The following PRELID2 variants were observed in gnomAD, a reference collection of about 807,000 sequenced individuals.
PRELID2 encodes PRELI domain-containing protein 2.
Under a neutral mutation model 28.4 loss-of-function variants are expected in PRELID2, and 25 were observed. The observed-to-expected ratio is 0.88, with a 90% CI of 0.64 to 1.23. The LOEUF is 1.23. PRELID2 is among the 50% of genes most tolerant of loss of function. The probability of loss-of-function intolerance (pLI) is 0.00; values close to 1 mark genes in which losing one functional copy is unlikely to be tolerated. For missense variants in PRELID2, 201 were observed against 214.4 expected (o/e 0.94, Z 0.39); for synonymous variants, 76 against 71.6 (o/e 1.06, Z -0.31).
the PRELID2 span, among the ~76,000 whole-genome samples, chr5:145,350,997 G>T: frequency 2.0e-5 from 3 of 152,066 alleles, no homozygotes; most frequent in Non-Finnish European, 2.9e-5. Context: ...GCCAGTCAAT[G>T]AGATAAATAT....
chr5:145,413,565 T>C, the PRELID2 span, among the ~76,000 whole-genome samples: 1 of 151,376 alleles, frequency 6.6e-6, no homozygotes, highest in East Asian at 1.9e-4. Context: ...TGGAAAAATA[T>C]GGAACCAGCC....
intron 1 of PRELID2, among the ~76,000 whole-genome samples, chr5:145,480,268 A>G (rs959530152): frequency 2.6e-5 from 4 of 152,210 alleles, no homozygotes; most frequent in Non-Finnish European, 5.9e-5. Context: ...ACTAGTTTCC[A>G]TCATATAGCA....
At chr5:145,581,580 C>T (rs1753108209) in intron 1 of PRELID2, among the ~76,000 whole-genome samples, 1 of 152,008 alleles carries the variant, frequency 6.6e-6, no homozygotes, top group African/African-American at 2.4e-5. Flanking sequence ...TGAGTTGATG[C>T]ATTGTTAGGA....
the PRELID2 span, among the ~76,000 whole-genome samples, chr5:145,337,733 T>TATA: frequency 1.6e-4 from 15 of 96,020 alleles, no homozygotes; most frequent in South Asian, 7.1e-4. Context: ...ATATATATAC[T>TATA]CACACACACA....
chr5:145,441,578 A>T, the PRELID2 span, among the ~76,000 whole-genome samples: 3 of 152,104 alleles, frequency 2.0e-5, no homozygotes, highest in Admixed American at 6.6e-5. Context: ...CTTAACTGTA[A>T]GCAAAAAAAT....
chr5:145,529,085 C>T (rs530322459), intron 1 of PRELID2, among the ~76,000 whole-genome samples: 154 of 152,258 alleles, frequency 1.0e-3, no homozygotes, highest in African/African-American at 3.5e-3. Flanking sequence ...TTTTCATTTG[C>T]TACTTGAGTT....
the PRELID2 span, among the ~76,000 whole-genome samples, chr5:145,232,649 A>G: frequency 8.5e-5 from 13 of 152,176 alleles, no homozygotes; most frequent in African/African-American, 2.7e-4. Flanking sequence ...ATCTTGTCTC[A>G]TGGGACTATC....
chr5:145,638,943 G>A (rs898224863), intron 1 of PRELID2, among the ~76,000 whole-genome samples: 4 of 152,192 alleles, frequency 2.6e-5, no homozygotes, highest in African/African-American at 7.2e-5. Context: ...TTGCCCACAT[G>A]ATTTTGTGGG....
At chr5:145,591,666 A>C (rs2149631378) in intron 1 of PRELID2, among the ~76,000 whole-genome samples, 1 of 152,300 alleles carries the variant, frequency 6.6e-6, no homozygotes, top group South Asian at 2.1e-4. Context: ...CAAATATCCC[A>C]CACTAAATCA....
chr5:145,360,373 A>T, the PRELID2 span, among the ~76,000 whole-genome samples: 3 of 152,170 alleles, frequency 2.0e-5, no homozygotes, highest in Non-Finnish European at 4.4e-5. Flanking sequence ...AGGAGGCAGG[A>T]GTGTAGCCAA....
At chr5:145,305,826 AC>A in the PRELID2 span, among the ~76,000 whole-genome samples, 1 of 152,130 alleles carries the variant, frequency 6.6e-6, no homozygotes, top group East Asian at 1.9e-4. Context: ...CATGACAAAT[AC>A]TACACAGGCC....
chr5:145,415,805 A>G, the PRELID2 span, among the ~76,000 whole-genome samples: 1 of 151,994 alleles, frequency 6.6e-6, no homozygotes, highest in Non-Finnish European at 1.5e-5. Context: ...CACTAATGAG[A>G]TGGCTGGGTC....
intron 4 of PRELID2, among the ~76,000 whole-genome samples, chr5:145,811,116 A>AAAAAAAAAAAAAAACAAC (rs1561636719): frequency 1.2e-5 from 1 of 85,724 alleles, no homozygotes; most frequent in African/African-American, 4.7e-5. Flanking sequence ...AAAAAAAAAA[A>AAAAAAAAAAAAAAACAAC]AAATTGTGCC....
the PRELID2 span, among the ~76,000 whole-genome samples, chr5:145,371,894 A>AAAC: frequency 6.6e-6 from 1 of 150,412 alleles, no homozygotes; most frequent in Non-Finnish European, 1.5e-5. Flanking sequence ...TTTAAAAAAA[A>AAAC]AAAAAACAGC....
the PRELID2 span, among the ~76,000 whole-genome samples, chr5:145,355,577 A>G: frequency 6.6e-6 from 1 of 152,164 alleles, no homozygotes; most frequent in African/African-American, 2.4e-5. Flanking sequence ...CAAACCATGC[A>G]TATACCCATA....
chr5:145,624,069 T>C (rs1262769231), intron 1 of PRELID2, among the ~76,000 whole-genome samples: 1 of 152,132 alleles, frequency 6.6e-6, no homozygotes, highest in Non-Finnish European at 1.5e-5. Flanking sequence ...CTTTACTTAT[T>C]ATTACCACTT....
At chr5:145,434,949 C>A in the PRELID2 span, among the ~76,000 whole-genome samples, 1 of 152,124 alleles carries the variant, frequency 6.6e-6, no homozygotes. Context: ...TCATTTTTGA[C>A]GTATTATTTT....
chr5:145,741,919 A>C (rs1222835988), intron 1 of PRELID2, among the ~76,000 whole-genome samples: 1 of 112,290 alleles, frequency 8.9e-6, no homozygotes. Context: ...TATATAAATA[A>C]ACAAATAAAT....
At chr5:145,734,088 G>A (rs1179955234) in intron 1 of PRELID2, among the ~76,000 whole-genome samples, 5 of 152,104 alleles carry the variant, frequency 3.3e-5, no homozygotes, top group Non-Finnish European at 1.5e-5. Flanking sequence ...AGAGCTTCTG[G>A]AAGAATGCAT....
Sources: gnomAD v4.1 joint callset for allele counts (sites outside exome capture counted in the v4.1 genomes callset) on GRCh38, gnomAD v4.1.1 for gene constraint, MANE v1.5 for transcripts, NCBI Gene and HGNC (gene_info 2026-07-23, HGNC 2026-07-21) for gene names.